The following ARHGAP40 variants were observed in gnomAD, a reference collection of about 807,000 sequenced individuals.
ARHGAP40 encodes the protein Rho GTPase activating protein 40.
ARHGAP40 carries 43 observed loss-of-function variants against 73.5 expected under a neutral mutation model. The observed-to-expected ratio is 0.58, with a 90% CI of 0.46 to 0.75. ARHGAP40 has a LOEUF of 0.75. Ranked by LOEUF, ARHGAP40 falls within the 30% of genes least tolerant of loss-of-function variation. ARHGAP40 has a pLI of 0.00. For synonymous variants in ARHGAP40, 300 were observed against 352.8 expected, an observed-to-expected ratio of 0.85 and a Z score of 1.68; for missense variants, 734 against 861.8, an observed-to-expected ratio of 0.85 and a Z score of 1.86.
intron 6 of ARHGAP40, 98 bp from the exon 7 acceptor site, chr20:38,637,610 A>G: frequency 1.1e-6 from 1 of 951,346 alleles, no homozygotes; most frequent in Non-Finnish European, 1.5e-6. Context: ...TCCACAGGAA[A>G]AGGGGTCTGA....
chr20:38,613,672 A>G (rs893902054), intron 1 of ARHGAP40, among the ~76,000 whole-genome samples: 21 of 152,148 alleles, frequency 1.4e-4, no homozygotes, highest in Non-Finnish European at 3.1e-4. Flanking sequence ...TTTGTGCCCA[A>G]CTTGAACAGC....
At chr20:38,617,957 A>G (rs1381461989) in intron 1 of ARHGAP40, among the ~76,000 whole-genome samples, 2 of 152,242 alleles carry the variant, frequency 1.3e-5, no homozygotes, top group East Asian at 3.8e-4. Flanking sequence ...ACACTGCCCC[A>G]GGTAGTCTCT....
In ARHGAP40 at chr20:38,623,565, G is replaced by A; in HGVS notation, c.337+7G>A. 3.1e-6 allele frequency: 4 copies of A among 1,286,210 alleles called. No homozygotes were observed. Among genetic ancestry groups the A allele is most frequent in the Non-Finnish European group, 4.1e-6 (4 of 986,220 alleles). The allele number at this position is 1,286,210 out of a possible 1,614,324, so 79.7% of individuals were successfully genotyped here. ...GAAGGCCAGCTTCCAGAGGGTGAGA[G>A]ACCCTGGCGGGGGCCTATAGGGGTG... On this transcript the variant is annotated splice_region_variant and intron_variant, in intron 2 of 14. Coordinates refer to ENST00000373345, the Ensembl canonical transcript of ARHGAP40.
chr20:38,649,990 C>A, exon 15 of ARHGAP40: 1 of 510,440 alleles, frequency 2.0e-6, no homozygotes, highest in Non-Finnish European at 3.4e-6. Context: ...AAATGCCTCT[C>A]AGACCCCTCA....
At chr20:38,629,167 TG>T (rs2088921691) in intron 4 of ARHGAP40, among the ~76,000 whole-genome samples, 165 bp downstream of exon 4, 1 of 152,182 alleles carries the variant, frequency 6.6e-6, no homozygotes, top group African/African-American at 2.4e-5. Flanking sequence ...GGGGACAGGT[TG>T]GGCCCTTAAG....
At chr20:38,631,859 T>C (rs745590947) in intron 5 of ARHGAP40, among the ~76,000 whole-genome samples, 21 of 152,206 alleles carry the variant, frequency 1.4e-4, no homozygotes, top group Non-Finnish European at 2.5e-4. Context: ...CCACAGCAAG[T>C]TGCAAAAACA....
At chr20:38,632,942 G>A (rs6070826) in intron 5 of ARHGAP40, among the ~76,000 whole-genome samples, 26,064 of 152,108 alleles carry the variant, frequency 0.17, 2,855 homozygotes, top group Non-Finnish European at 0.25. Flanking sequence ...GGCCAACATG[G>A]TGAAACCCCA....
At chr20:38,614,306 C>CA (rs2088821555) in intron 1 of ARHGAP40, among the ~76,000 whole-genome samples, 1 of 152,228 alleles carries the variant, frequency 6.6e-6, no homozygotes, top group Non-Finnish European at 1.5e-5. Flanking sequence ...CCACGATTCC[C>CA]TGGCGTACCC....
At chr20:38,617,702 G>A (rs145650384) in intron 1 of ARHGAP40, among the ~76,000 whole-genome samples, 58 of 152,326 alleles carry the variant, frequency 3.8e-4, no homozygotes, top group Non-Finnish European at 6.5e-4. Flanking sequence ...CTCTGTGCTT[G>A]TAAGCCCCTG....
chr20:38,627,221 T>C lies in ARHGAP40; in HGVS notation c.558+6T>C, dbSNP rs1322279634. On this transcript the variant is annotated splice_donor_region_variant and intron_variant, in intron 3 of 14. Coordinates refer to ENST00000373345, the Ensembl canonical transcript of ARHGAP40. ...TTGGGGTCTTCAATTCAGGGGTAAG[T>C]GGCATATGGGTCATTGCAGGCCCCG... The C allele has an allele frequency of 1.3e-5, 17 of 1,305,156 alleles. No homozygotes were observed. The highest frequency in any genetic ancestry group is 1.7e-5 in the Non-Finnish European group (17 of 988,786). The allele number at this position is 1,305,156 out of a possible 1,614,324, so 80.8% of individuals were successfully genotyped here. A position where few individuals can be genotyped will look rare whatever the true frequency, so the allele number is the denominator to read the frequency against.
intron 2 of ARHGAP40, 123 bp from the exon 3 acceptor site, chr20:38,626,872 C>T (rs986669027): frequency 2.4e-5 from 17 of 698,960 alleles, no homozygotes; most frequent in South Asian, 1.4e-4. Context: ...ATAGGTCTCA[C>T]GATCAGATAT....
exon 11 of ARHGAP40, chr20:38,643,874 G>A (rs2089035294): frequency 1.5e-6 from 2 of 1,305,016 alleles, no homozygotes; most frequent in Non-Finnish European, 1.0e-6. Flanking sequence ...CCGAGGTGGT[G>A]CAGATAATGG....
At chr20:38,636,635 A>G (rs2088976941) in intron 6 of ARHGAP40, among the ~76,000 whole-genome samples, 1 of 152,072 alleles carries the variant, frequency 6.6e-6, no homozygotes, top group Non-Finnish European at 1.5e-5. Flanking sequence ...CCATTTCCCT[A>G]TTAGTGGACA....
chr20:38,629,328 A>G (rs1336492733), intron 4 of ARHGAP40, among the ~76,000 whole-genome samples, 174 bp from the exon 5 acceptor site: 1 of 152,196 alleles, frequency 6.6e-6, no homozygotes, highest in Non-Finnish European at 1.5e-5. Flanking sequence ...CTAGGAAATC[A>G]CTTCCTGGGC....
At chr20:38,636,956 A>C (rs2088978914) in intron 6 of ARHGAP40, among the ~76,000 whole-genome samples, 1 of 152,150 alleles carries the variant, frequency 6.6e-6, no homozygotes, top group Non-Finnish European at 1.5e-5. Context: ...GAAAGAAGGA[A>C]GGTGTGGAGA....
intron 1 of ARHGAP40, among the ~76,000 whole-genome samples, chr20:38,609,083 C>T (rs1053331588): frequency 6.6e-6 from 1 of 152,206 alleles, no homozygotes; most frequent in Non-Finnish European, 1.5e-5. Context: ...ACTGTAATTC[C>T]ATCTGCAACC....
chr20:38,614,809 T>A, intron 1 of ARHGAP40: 1 of 701,768 alleles, frequency 1.4e-6, no homozygotes, highest in South Asian at 1.7e-5. Context: ...CCATCGCACG[T>A]TTTTCATGCA....
intron 11 of ARHGAP40, among the ~76,000 whole-genome samples, chr20:38,645,143 C>T (rs2145615508): frequency 6.8e-6 from 1 of 146,198 alleles, no homozygotes; most frequent in Non-Finnish European, 1.5e-5. Context: ...CCTGGAATTC[C>T]CTTCCCTTTT....
At chr20:38,618,500 G>T (rs1260237970) in intron 1 of ARHGAP40, among the ~76,000 whole-genome samples, 1 of 152,144 alleles carries the variant, frequency 6.6e-6, no homozygotes, top group Non-Finnish European at 1.5e-5. Context: ...GATTCGATGG[G>T]TAAGGAATTG....
Sources: gnomAD v4.1 joint callset for allele counts (sites outside exome capture counted in the v4.1 genomes callset) on GRCh38, gnomAD v4.1.1 for gene constraint, MANE v1.5 for transcripts, NCBI Gene and HGNC (gene_info 2026-07-23, HGNC 2026-07-21) for gene names.